The following RUBCNL variants were observed in gnomAD, a reference collection of about 807,000 sequenced individuals.
RUBCNL encodes the protein protein associated with UVRAG as autophagy enhancer.
A neutral mutation model predicts 69.5 loss-of-function variants in RUBCNL; 62 were observed. The ratio of observed to expected loss-of-function variants is 0.89; its 90% CI spans 0.73 to 1.10. The LOEUF is 1.10. RUBCNL is among the 50% of genes least tolerant of loss of function. The probability of loss-of-function intolerance (pLI) is 0.00; values close to 1 mark genes in which losing one functional copy is unlikely to be tolerated. For missense variants in RUBCNL, 768 were observed against 798.1 expected (o/e 0.96, Z 0.45); for synonymous variants, 291 against 303.6 (o/e 0.96, Z 0.43).
intron 14 of RUBCNL, 140 bp from the exon 15 acceptor site, chr13:46,343,637 G>A (rs1181900022): frequency 6.3e-6 from 5 of 794,764 alleles, no homozygotes; most frequent in Non-Finnish European, 9.7e-6. Context: ...CAGCCAGGCT[G>A]AAACGCACGT....
intron 5 of RUBCNL, among the ~76,000 whole-genome samples, chr13:46,365,273 G>A (rs552763126): frequency 1.4e-5 from 2 of 145,538 alleles, no homozygotes; most frequent in East Asian, 2.0e-4. Flanking sequence ...ACTCTACTCC[G>A]GCCTGGGCAA....
rs2048674089 is a variant in RUBCNL at position 46,363,279 on chromosome 13, C to A, written c.827-66G>T. On this transcript the variant is annotated intron_variant, in intron 5 of 14. Transcript: ENST00000429979. ...AAAAGAAAAACTGTACAACCTGCAA[C>A]ACCCAACTAAATAGAAATTGGGAAA... 8 of 710,598 alleles carry A rather than the reference C, an allele frequency of 1.1e-5. No individual in the cohort carries two copies. In the South Asian group the frequency reaches 1.9e-4, roughly 17 times the overall value. The allele number at this position is 710,598 out of a possible 1,614,324, so 44.0% of individuals were successfully genotyped here.
upstream of RUBCNL, among the ~76,000 whole-genome samples, chr13:46,388,305 A>AGGGAGGAAGGAAG (rs1450896594): frequency 5.0e-5 from 7 of 139,244 alleles, no homozygotes; most frequent in South Asian, 1.7e-3. Context: ...GAGGGAGGGA[A>AGGGAGGAAGGAAG]GAAGGAAGGA....
intron 12 of RUBCNL, among the ~76,000 whole-genome samples, chr13:46,346,390 G>C (rs1239947547): frequency 1.3e-5 from 2 of 151,274 alleles, no homozygotes; most frequent in Non-Finnish European, 1.5e-5. Context: ...TGGAATCCTT[G>C]CTTGCGGTCT....
chr13:46,337,838 A>G lies in RUBCNL; in HGVS notation c.*5547T>C, dbSNP rs2138651180. Among the ~76,000 whole-genome samples the G allele has an allele frequency of 6.6e-6, 1 of 152,318 alleles. No individual in the cohort carries two copies. The highest frequency in any genetic ancestry group is 2.1e-4 in the South Asian group (1 of 4,830). ...GTCCAATGCAGGCACCGCACTCCTG[A>G]GTAGTTCTATTTCAAACAATCACTC... On this transcript the variant is annotated 3_prime_UTR_variant, in exon 15 of 15. Coordinates refer to ENST00000429979, the MANE Select transcript of RUBCNL (RefSeq NM_025113.5).
chr13:46,351,571 A>G (rs9526170), intron 10 of RUBCNL, among the ~76,000 whole-genome samples: 1 of 151,982 alleles, frequency 6.6e-6, no homozygotes, highest in Non-Finnish European at 1.5e-5. Context: ...GTGGCAGCCA[A>G]AATGTCCATC....
chr13:46,365,517 C>T (rs1423435544), intron 5 of RUBCNL, among the ~76,000 whole-genome samples: 1 of 152,124 alleles, frequency 6.6e-6, no homozygotes, highest in Non-Finnish European at 1.5e-5. Context: ...ATGGATGGTG[C>T]TCCTCCCCTG....
Position 46,335,188 on chromosome 13 carries a change from C to G in RUBCNL, c.*8197G>C, listed in dbSNP as rs546429121. Among the ~76,000 whole-genome samples, 1 of 151,822 alleles carries G rather than the reference C, an allele frequency of 6.6e-6. No individual in the cohort carries two copies. The highest frequency in any genetic ancestry group is 1.9e-4 in the East Asian group (1 of 5,170). On this transcript the variant is annotated 3_prime_UTR_variant, in exon 15 of 15. Transcript: ENST00000429979. ...CGATCGATCCTCCCACCTCAGCCTC[C>G]TGGGTAGCTGGGAATACTGGCACAC...
Position 46,361,463 on chromosome 13 carries a change from G to C in RUBCNL, c.1097C>G (p.Ser366Cys). Residue 366 changes from serine (S) to cysteine (C), a missense_variant, in exon 8 of 15, where the codon TCC becomes TGC. Coordinates refer to ENST00000429979, the MANE Select transcript of RUBCNL (RefSeq NM_025113.5). ...TACTATCGAGCCAGCTGCACTCAGG[G>C]AACCTGCCAGCTGAGAATTAACTAC... ...LSVVNSQLAG[S>C]LSAAGSIVVN... The C allele has an allele frequency of 1.2e-6, 2 of 1,613,884 alleles. No homozygotes were observed. Among genetic ancestry groups the C allele is most frequent in the Non-Finnish European group, 1.7e-6 (2 of 1,179,830 alleles).
rs57722239 is a variant in RUBCNL at position 46,362,939 on chromosome 13, GATATAT to G, written c.925+170_925+175del. ...CAAGAACATCATATATATATATATA[GATATAT>G]ATATATATATATATATATATATATA... On this transcript the variant is annotated intron_variant, in intron 6 of 14. Coordinates refer to ENST00000429979, the MANE Select transcript of RUBCNL (RefSeq NM_025113.5). Among the ~76,000 whole-genome samples the G allele has an allele frequency of 1.3e-3, 53 of 41,488 alleles. 2 individuals are homozygous for G. Among genetic ancestry groups the G allele is most frequent in the Non-Finnish European group, 1.4e-3 (37 of 26,636 alleles). The allele number at this position is 41,488 out of a possible 152,430, so 27.2% of individuals were successfully genotyped here. A position where few individuals can be genotyped will look rare whatever the true frequency, so the allele number is the denominator to read the frequency against.
At position 46,334,852 on chromosome 13, in the gene RUBCNL, T is replaced by C. The variant is rs2048093796; in HGVS notation, c.*8533A>G. Among the ~76,000 whole-genome samples, 1 of 152,148 alleles carries C rather than the reference T, an allele frequency of 6.6e-6. No homozygotes were observed. The highest frequency in any genetic ancestry group is 6.5e-5 in the Admixed American group (1 of 15,276). Reference sequence around the variant, plus strand: ...AGAAATTTGAGCAACTTATCACAAATCACAGGACTAGAAGTGAAAGGATCC... The same window carrying C: ...AGAAATTTGAGCAACTTATCACAAACCACAGGACTAGAAGTGAAAGGATCC... On this transcript the variant is annotated 3_prime_UTR_variant, in exon 15 of 15. Coordinates refer to ENST00000429979, the MANE Select transcript of RUBCNL (RefSeq NM_025113.5).
chr13:46,359,112 C>G (rs1344359648), intron 9 of RUBCNL, among the ~76,000 whole-genome samples: 1 of 151,864 alleles, frequency 6.6e-6, no homozygotes, highest in African/African-American at 2.4e-5. Flanking sequence ...AACCCCATCT[C>G]TAATTTTTTT....
At chr13:46,357,066 G>C (rs922583130) in intron 9 of RUBCNL, among the ~76,000 whole-genome samples, 2 of 150,486 alleles carry the variant, frequency 1.3e-5, no homozygotes, top group Non-Finnish European at 3.0e-5. Context: ...TGCTAGGCTG[G>C]GCACGGTGGC....
intron 12 of RUBCNL, among the ~76,000 whole-genome samples, chr13:46,348,572 T>C (rs2138684634): frequency 6.6e-6 from 1 of 152,070 alleles, no homozygotes; most frequent in South Asian, 2.1e-4. Context: ...TCCTGTGTTG[T>C]TCTCATGGTA....
At chr13:46,352,670 G>A (rs370652275) in intron 10 of RUBCNL, among the ~76,000 whole-genome samples, 4 of 152,266 alleles carry the variant, frequency 2.6e-5, no homozygotes, top group African/African-American at 4.8e-5. Context: ...TTGGAGTGGC[G>A]GTGCATGCTT....
intron 1 of RUBCNL, among the ~76,000 whole-genome samples, chr13:46,379,983 A>G (rs928864136): frequency 2.6e-5 from 4 of 152,264 alleles, no homozygotes; most frequent in African/African-American, 4.8e-5. Context: ...CAGGAATTGC[A>G]GTAAACTGCA....
rs2765620 is a variant in RUBCNL at position 46,338,114 on chromosome 13, A to G, written c.*5271T>C. ...AATGGGCAAGATCGGGAGGGAGATGAAAAGGGGAAGCGCCCACCACTCCCA... is the reference window on the plus strand; with the variant it reads ...AATGGGCAAGATCGGGAGGGAGATGGAAAGGGGAAGCGCCCACCACTCCCA... On this transcript the variant is annotated 3_prime_UTR_variant, in exon 15 of 15. Coordinates refer to ENST00000429979, the MANE Select transcript of RUBCNL (RefSeq NM_025113.5). Among the ~76,000 whole-genome samples, 47,377 of 152,010 alleles carry G rather than the reference A, an allele frequency of 0.31. 7,567 individuals are homozygous for G. The highest frequency in any genetic ancestry group is 0.37 in the Middle Eastern group (109 of 294).
chr13:46,361,342 G>A (rs2048605298), intron 8 of RUBCNL, 99 bp downstream of exon 8: 5 of 1,297,710 alleles, frequency 3.9e-6, no homozygotes, highest in Admixed American at 2.2e-5. Context: ...CTAATATCCA[G>A]TGACCATACA....
intron 1 of RUBCNL, 126 bp downstream of exon 1, chr13:46,387,008 T>C: frequency 1.2e-6 from 1 of 843,906 alleles, no homozygotes; most frequent in Non-Finnish European, 1.4e-6. Flanking sequence ...GTGTCTCTGC[T>C]GGGCACAAAC....
Sources: allele counts gnomAD v4.1 joint callset (sites outside exome capture counted in the v4.1 genomes callset), GRCh38; gene constraint gnomAD v4.1.1; transcripts MANE v1.5; gene names NCBI Gene and HGNC (gene_info 2026-07-23, HGNC 2026-07-21).